The following MED12L variants were observed in gnomAD, a reference collection of about 807,000 sequenced individuals.
The protein encoded by MED12L is mediator of RNA polymerase II transcription subunit 12-like protein.
MED12L carries 60 observed loss-of-function variants against 281.3 expected under a neutral mutation model. That is an observed-to-expected ratio of 0.21 (90% confidence interval 0.17 to 0.26). The LOEUF (loss-of-function observed/expected upper bound fraction) is 0.26, where lower values mean the gene tolerates loss of function less well. MED12L is among the 10% of genes least tolerant of loss of function. The probability of loss-of-function intolerance (pLI) is 1.00; values close to 1 mark genes in which losing one functional copy is unlikely to be tolerated. For missense variants in MED12L, 2,146 were observed against 2,680.9 expected (o/e 0.80, Z 4.41); for synonymous variants, 974 against 987.2 (o/e 0.99, Z 0.25).
intron 16 of MED12L, among the ~76,000 whole-genome samples, chr3:151,299,393 T>TTCTTTTCTTTTCTTTTCTTTTCTTG (rs1745575230): frequency 1.4e-5 from 2 of 140,440 alleles, no homozygotes; most frequent in Admixed American, 7.2e-5. Flanking sequence ...TTCTTTTCTT[T>TTCTTTTCTTTTCTTTTCTTTTCTTG]TCTTTTCCCC....
At chr3:151,236,442 A>G (rs1732823511) in intron 16 of MED12L, among the ~76,000 whole-genome samples, 1 of 152,188 alleles carries the variant, frequency 6.6e-6, no homozygotes, top group Non-Finnish European at 1.5e-5. Flanking sequence ...ATGACTTTTT[A>G]CAGATTTATT....
chr3:151,168,067 C>T (rs978038100), intron 11 of MED12L, among the ~76,000 whole-genome samples: 20 of 152,216 alleles, frequency 1.3e-4, no homozygotes, highest in Admixed American at 9.8e-4. Context: ...CACCTGCAGA[C>T]ACTTAAGTTA....
intron 16 of MED12L, among the ~76,000 whole-genome samples, chr3:151,277,142 A>C (rs962140853): frequency 6.6e-6 from 1 of 150,822 alleles, no homozygotes. Flanking sequence ...GCCTCTCCTG[A>C]GGCCACTCAC....
Position 151,367,741 on chromosome 3 carries a change from C to T in MED12L, c.3423C>T (p.Val1141=), listed in dbSNP as rs138505313. The stretch of plus-strand genomic sequence containing the variant: ...CCCTGGAGGACGTCGTGCAGCATGT[C>T]GCACTTCCCTCTCTTCTAGCAGCAG... ...CFSLEDVVQH[V]ALPSLLAAAC... The change falls in exon 24 of 45, where the codon GTC becomes GTT. Residue 1141 remains valine (V), a synonymous_variant. Coordinates refer to ENST00000687756, the MANE Select transcript of MED12L (RefSeq NM_001393769.1). 1.4e-4 allele frequency: 219 copies of T among 1,610,450 alleles called. No individual in the cohort carries two copies. In the African/African-American group the frequency reaches 2.1e-3, roughly 15 times the overall value.
chr3:151,230,296 T>G (rs1447611349), intron 16 of MED12L, among the ~76,000 whole-genome samples: 1 of 152,230 alleles, frequency 6.6e-6, no homozygotes. Context: ...TGAATATGCG[T>G]GTCTGTTTTA....
Position 151,417,308 on chromosome 3 carries a change from G to T in MED12L, c.6408+886G>T, listed in dbSNP as rs976779937. On this transcript the variant is annotated intron_variant, in intron 43 of 44. Transcript: ENST00000687756. The stretch of plus-strand genomic sequence containing the variant: ...GCTGGTTTCACAACTTGTAGAAAAG[G>T]GGGAACAACGTGGTATAGAGATAGT... Among the ~76,000 whole-genome samples the T allele has an allele frequency of 3.3e-5, 5 of 152,072 alleles. No homozygotes were observed. The East Asian group carries it at 5.8e-4, about 18-fold the overall frequency.
At chr3:151,147,982 C>T (rs1463559249) in intron 5 of MED12L, among the ~76,000 whole-genome samples, 3 of 152,090 alleles carry the variant, frequency 2.0e-5, no homozygotes, top group Non-Finnish European at 4.4e-5. Context: ...TTTTATATTC[C>T]CGTGGGGAAC....
At chr3:151,088,650 A>C (rs73012977) in intron 2 of MED12L, among the ~76,000 whole-genome samples, 7,670 of 152,092 alleles carry the variant, frequency 0.05, 657 homozygotes, top group African/African-American at 0.17. Flanking sequence ...CTGATTCTGG[A>C]AAGAGTAATT....
chr3:151,376,389 C>T (rs868837246), intron 28 of MED12L, among the ~76,000 whole-genome samples, 175 bp downstream of exon 28: 1 of 152,088 alleles, frequency 6.6e-6, no homozygotes, highest in East Asian at 1.9e-4. Context: ...GTACATGCTG[C>T]AAATTGTATA....
At chr3:151,245,260 C>T (rs2149407619) in intron 16 of MED12L, among the ~76,000 whole-genome samples, 1 of 152,290 alleles carries the variant, frequency 6.6e-6, no homozygotes, top group Middle Eastern at 3.4e-3. Flanking sequence ...TCCTCCCTAA[C>T]TCATTTTATG....
At chr3:151,178,904 A>C (rs1271019016) in intron 11 of MED12L, among the ~76,000 whole-genome samples, 1 of 152,154 alleles carries the variant, frequency 6.6e-6, no homozygotes, top group African/African-American at 2.4e-5. Flanking sequence ...TTTTATATTA[A>C]ATTTTCATTA....
chr3:151,214,232 A>G, intron 16 of MED12L: 1 of 1,613,954 alleles, frequency 6.2e-7, no homozygotes, highest in Non-Finnish European at 8.5e-7. Context: ...ACCATACAGT[A>G]CAGCACAGGA....
intron 16 of MED12L, among the ~76,000 whole-genome samples, chr3:151,243,129 T>C (rs1049295124): frequency 2.6e-5 from 4 of 151,920 alleles, no homozygotes; most frequent in African/African-American, 9.7e-5. Context: ...AAAGACCAAA[T>C]CTATGTCTGC....
At chr3:151,416,951 T>G (rs892780844) in intron 43 of MED12L, among the ~76,000 whole-genome samples, 14 of 152,222 alleles carry the variant, frequency 9.2e-5, no homozygotes, top group African/African-American at 3.4e-4. Flanking sequence ...TGCATAGCCA[T>G]CAAAGTTTTC....
At position 151,366,001 on chromosome 3, in the gene MED12L, C is replaced by T. The variant is rs1354647203; in HGVS notation, c.3327+10C>T. The T allele has an allele frequency of 6.5e-7, 1 of 1,530,846 alleles. No homozygotes were observed. Among genetic ancestry groups the T allele is most frequent in the South Asian group, 1.3e-5 (1 of 75,844 alleles). The allele number at this position is 1,530,846 out of a possible 1,614,324, so 94.8% of individuals were successfully genotyped here. A position where few individuals can be genotyped will look rare whatever the true frequency, so the allele number is the denominator to read the frequency against. ...ACTTTGCACTGTAGATGTAAGTTTT[C>T]TTTTTCATTTAAAAATTGAACTGTG... On this transcript the variant is annotated intron_variant, in intron 23 of 44. Transcript: ENST00000687756.
rs183674949 is a variant in MED12L, at chr3:151,205,939, C to T, written c.2250+12273C>T. 1.1e-4 allele frequency among the ~76,000 whole-genome samples: 17 copies of T among 152,178 alleles called. No individual in the cohort carries two copies. The South Asian group carries it at 1.5e-3, about 13-fold the overall frequency. On this transcript the variant is annotated intron_variant, in intron 16 of 44. Coordinates refer to ENST00000687756, the MANE Select transcript of MED12L (RefSeq NM_001393769.1). ...CAGCCTCTGGAATGTGAATTTGGGACGCTCTTACATCAAAATAATTTACAA... is the reference window on the plus strand; with the variant it reads ...CAGCCTCTGGAATGTGAATTTGGGATGCTCTTACATCAAAATAATTTACAA...
intron 27 of MED12L, among the ~76,000 whole-genome samples, chr3:151,373,281 C>A (rs1419421575): frequency 1.3e-5 from 2 of 152,114 alleles, no homozygotes; most frequent in Non-Finnish European, 2.9e-5. Flanking sequence ...ATCTTGAGTT[C>A]TTTCAGGTAA....
intron 16 of MED12L, among the ~76,000 whole-genome samples, chr3:151,266,345 G>A (rs1454188174): frequency 6.6e-6 from 1 of 152,224 alleles, no homozygotes; most frequent in Admixed American, 6.5e-5. Context: ...CACTGCATGT[G>A]TCTGGAAATC....
intron 26 of MED12L, 90 bp from the exon 27 acceptor site, chr3:151,372,477 A>T: frequency 1.1e-6 from 1 of 911,116 alleles, no homozygotes; most frequent in Admixed American, 1.8e-5. Context: ...CATATATTTT[A>T]AATCCCTGAA....
Sources: gnomAD v4.1 joint callset for allele counts (sites outside exome capture counted in the v4.1 genomes callset) on GRCh38, gnomAD v4.1.1 for gene constraint, MANE v1.5 for transcripts, NCBI Gene and HGNC (gene_info 2026-07-23, HGNC 2026-07-21) for gene names.